CNTNAP4: variants seen among roughly 807,000 people sequenced by gnomAD.
CNTNAP4 encodes contactin-associated protein-like 4.
Under a neutral mutation model 148.4 loss-of-function variants are expected in CNTNAP4, and 98 were observed. That is an observed-to-expected ratio of 0.66 (90% CI 0.56 to 0.78). The LOEUF (loss-of-function observed/expected upper bound fraction) is 0.78, where lower values mean the gene tolerates loss of function less well. Ranked by LOEUF, CNTNAP4 falls within the 30% of genes least tolerant of loss-of-function variation. The pLI is 0.00. For missense variants in CNTNAP4, 1,935 were observed against 1,565.6 expected (o/e 1.24, Z -3.98); for synonymous variants, 730 against 565.1 (o/e 1.29, Z -4.14).
At chr16:76,383,034 T>A (rs2016144643) in intron 3 of CNTNAP4, among the ~76,000 whole-genome samples, 1 of 152,116 alleles carries the variant, frequency 6.6e-6, no homozygotes, top group South Asian at 2.1e-4. Flanking sequence ...CTTATCCATC[T>A]TTATGGGAAG....
intron 2 of CNTNAP4, among the ~76,000 whole-genome samples, chr16:76,345,842 C>T (rs1964858419): frequency 2.0e-5 from 3 of 152,138 alleles, no homozygotes; most frequent in Admixed American, 2.0e-4. Context: ...AAAGGGAGGT[C>T]AGGAGCTTAA....
chr16:76,553,464 T>C lies in CNTNAP4; in HGVS notation c.3624T>C (p.Thr1208=). 6.2e-7 allele frequency: 1 copy of C among 1,612,352 alleles called. No individual in the cohort carries two copies. The highest frequency in any genetic ancestry group is 1.1e-5 in the South Asian group (1 of 90,558). Residue 1208 remains threonine (T), a synonymous_variant, in exon 22 of 24, where the codon ACT becomes ACC. Coordinates refer to ENST00000611870, the MANE Select transcript of CNTNAP4 (RefSeq NM_033401.5). ...TESSCMAQPG[T]DATSRERTHS... The stretch of plus-strand genomic sequence containing the variant: ...CCAGCTGTATGGCCCAGCCTGGCAC[T>C]GATGCCACATCAAGGGAAAGGACAC...
At chr16:76,471,049 ACTT>A (rs2081352946) in intron 10 of CNTNAP4, among the ~76,000 whole-genome samples, 2 of 152,090 alleles carry the variant, frequency 1.3e-5, no homozygotes, top group South Asian at 2.1e-4. Flanking sequence ...TCCTTCCCAG[ACTT>A]CTTATATTCA....
chr16:76,524,045 C>G (rs983737900), intron 17 of CNTNAP4, among the ~76,000 whole-genome samples: 1 of 152,178 alleles, frequency 6.6e-6, no homozygotes, highest in Non-Finnish European at 1.5e-5. Flanking sequence ...CTTATTAACC[C>G]TCTCTCACTG....
intron 15 of CNTNAP4, among the ~76,000 whole-genome samples, chr16:76,520,084 T>C (rs962356014): frequency 2.0e-5 from 3 of 152,182 alleles, no homozygotes; most frequent in African/African-American, 7.2e-5. Flanking sequence ...TAGAATTTTA[T>C]CCATGTAGGT....
intron 2 of CNTNAP4, among the ~76,000 whole-genome samples, chr16:76,345,135 A>G (rs531804723): frequency 6.6e-6 from 1 of 152,306 alleles, no homozygotes; most frequent in East Asian, 1.9e-4. Flanking sequence ...CTTGTTGGCT[A>G]TTCAGAGTTC....
At chr16:76,405,891 T>G (rs1281818671) in intron 3 of CNTNAP4, among the ~76,000 whole-genome samples, 1 of 152,220 alleles carries the variant, frequency 6.6e-6, no homozygotes, top group East Asian at 1.9e-4. Flanking sequence ...TCTCAATTAC[T>G]AAATGAAATA....
Position 76,337,725 on chromosome 16 carries a change from CCTTAT to C in CNTNAP4, c.197-17589_197-17585del, listed in dbSNP as rs537284044. 2.2e-4 allele frequency among the ~76,000 whole-genome samples: 33 copies of C among 152,164 alleles called. No homozygotes were observed. The East Asian group carries it at 4.3e-3, about 20-fold the overall frequency. On this transcript the variant is annotated intron_variant, in intron 2 of 23. Coordinates refer to ENST00000611870, the MANE Select transcript of CNTNAP4 (RefSeq NM_033401.5). ...GCAGGAGACCAGGGTGTATTTCATC[CCTTAT>C]CTTCAACTGCATAAGACAGACACTC...
intron 2 of CNTNAP4, among the ~76,000 whole-genome samples, chr16:76,332,121 G>T (rs1963581402): frequency 6.6e-6 from 1 of 152,144 alleles, no homozygotes; most frequent in Non-Finnish European, 1.5e-5. Flanking sequence ...ATGCTTTTAA[G>T]ATTTTTTCTT....
At position 76,374,510 on chromosome 16, in the gene CNTNAP4, C is replaced by G. The variant is rs573833804; in HGVS notation, c.390+18999C>G. ...ACAGGGAACTGTGCTCACCTTAAAA[C>G]TCTTTATGTGAACAATGATAGGTAA... On this transcript the variant is annotated intron_variant, in intron 3 of 23. Coordinates refer to ENST00000611870, the MANE Select transcript of CNTNAP4 (RefSeq NM_033401.5). Among the ~76,000 whole-genome samples the G allele has an allele frequency of 2.0e-5, 3 of 152,152 alleles. No individual in the cohort carries two copies. The South Asian group carries it at 6.2e-4, about 32-fold the overall frequency.
intron 3 of CNTNAP4, among the ~76,000 whole-genome samples, chr16:76,377,337 A>G (rs371391599): frequency 1.5e-4 from 23 of 152,320 alleles, no homozygotes; most frequent in African/African-American, 5.1e-4. Context: ...GTGATGCATA[A>G]CTTTAACCAT....
chr16:76,409,697 A>G (rs1597451312), intron 3 of CNTNAP4, among the ~76,000 whole-genome samples: 1 of 152,136 alleles, frequency 6.6e-6, no homozygotes, highest in Middle Eastern at 3.4e-3. Context: ...AATATTGTCT[A>G]CTATGTTTAA....
intron 13 of CNTNAP4, among the ~76,000 whole-genome samples, chr16:76,491,130 C>T (rs1362848617): frequency 6.6e-6 from 1 of 152,038 alleles, no homozygotes; most frequent in East Asian, 1.9e-4. Flanking sequence ...GCCCCCTTGC[C>T]CTTCTTCTCC....
chr16:76,479,398 T>G (rs761494900), intron 11 of CNTNAP4, 21 bp from the exon 12 acceptor site: 2 of 1,561,766 alleles, frequency 1.3e-6, no homozygotes, highest in Admixed American at 1.9e-5. Flanking sequence ...ATTCCATTAA[T>G]GATGATTTTT....
intron 8 of CNTNAP4, among the ~76,000 whole-genome samples, chr16:76,460,773 A>AAAAAAAAAAAAAAATATATATATATATAT: frequency 3.5e-5 from 2 of 57,320 alleles, no homozygotes; most frequent in Non-Finnish European, 6.6e-5. Context: ...AAAAAAAAAA[A>AAAAAAAAAAAAAAATATATATATATATAT]ATATATATAT....
At chr16:76,428,866 A>G (rs2079516324) in intron 4 of CNTNAP4, among the ~76,000 whole-genome samples, 1 of 152,120 alleles carries the variant, frequency 6.6e-6, no homozygotes, top group South Asian at 2.1e-4. Context: ...ACGATTCCTC[A>G]AAATAGCCCC....
chr16:76,448,601 G>C (rs1312498825), intron 5 of CNTNAP4, among the ~76,000 whole-genome samples, 166 bp from the exon 6 acceptor site: 1 of 152,120 alleles, frequency 6.6e-6, no homozygotes, highest in East Asian at 1.9e-4. Flanking sequence ...ACAAGGTTGA[G>C]ATATTATTAT....
chr16:76,446,766 G>A (rs9930968), intron 4 of CNTNAP4, among the ~76,000 whole-genome samples: 93,936 of 151,934 alleles, frequency 0.62, 29,264 homozygotes, highest in South Asian at 0.71. Context: ...TCAGTTTAAT[G>A]TGTACTCAAG....
intron 1 of CNTNAP4, among the ~76,000 whole-genome samples, chr16:76,312,346 C>T (rs1961216793): frequency 1.3e-5 from 2 of 152,110 alleles, no homozygotes; most frequent in Admixed American, 6.6e-5. Context: ...GGTTGAGAAC[C>T]TCTGAATTGG....
Sources: allele counts gnomAD v4.1 joint callset (sites outside exome capture counted in the v4.1 genomes callset), GRCh38; gene constraint gnomAD v4.1.1; transcripts MANE v1.5; gene names NCBI Gene and HGNC (gene_info 2026-07-23, HGNC 2026-07-21).